Variants in ANKRD17 observed in about 807,000 individuals in gnomAD.
ANKRD17 encodes the protein ankyrin repeat domain 17.
Under a neutral mutation model 229.7 loss-of-function variants are expected in ANKRD17, and 19 were observed. That is an observed-to-expected ratio of 0.08 (90% confidence interval 0.06 to 0.12). The LOEUF (loss-of-function observed/expected upper bound fraction) is 0.12. ANKRD17 is among the 10% of genes least tolerant of loss of function. The pLI is 1.00. For missense variants in ANKRD17, 2,176 were observed against 3,176.8 expected, an observed-to-expected ratio of 0.68 and a Z score of 7.57; for synonymous variants, 1,112 against 1,146.1, an observed-to-expected ratio of 0.97 and a Z score of 0.60.
chr4:73,109,225 G>C (rs1233394231), intron 24 of ANKRD17, among the ~76,000 whole-genome samples: 1 of 151,910 alleles, frequency 6.6e-6, no homozygotes, highest in Non-Finnish European at 1.5e-5. Context: ...ACTTCAACCT[G>C]TGAGGTGGAG....
chr4:73,124,419 A>T (rs1727168469), intron 18 of ANKRD17, among the ~76,000 whole-genome samples: 1 of 152,184 alleles, frequency 6.6e-6, no homozygotes, highest in Admixed American at 6.5e-5. Flanking sequence ...ACAAAAGGTC[A>T]TATAATCTTA....
chr4:73,241,277 C>G (rs535783383), intron 1 of ANKRD17, among the ~76,000 whole-genome samples: 1 of 152,138 alleles, frequency 6.6e-6, no homozygotes, highest in South Asian at 2.1e-4. Flanking sequence ...TTCCTATTCC[C>G]CTCAATGAAC....
chr4:73,100,758 T>C, intron 25 of ANKRD17: 1 of 806,046 alleles, frequency 1.2e-6, no homozygotes, highest in Non-Finnish European at 1.5e-6. Context: ...ATTTACCATA[T>C]TAATCCTTAA....
At chr4:73,146,968 C>T in intron 9 of ANKRD17, 95 bp from the exon 10 acceptor site, 1 of 991,502 alleles carries the variant, frequency 1.0e-6, no homozygotes, top group African/African-American at 1.7e-5. Context: ...GTCATACCTC[C>T]TCAAGTTAAA....
chr4:73,152,572 G>C (rs543215194), intron 6 of ANKRD17, among the ~76,000 whole-genome samples: 2 of 152,202 alleles, frequency 1.3e-5, no homozygotes, highest in African/African-American at 4.8e-5. Context: ...TCTAATTAAA[G>C]CCTGCAAGCC....
chr4:73,078,406 C>T lies in ANKRD17; in HGVS notation c.7408+236G>A, dbSNP rs942400280. 9.2e-5 allele frequency among the ~76,000 whole-genome samples: 14 copies of T among 152,076 alleles called. No homozygotes were observed. The South Asian group carries it at 1.2e-3, about 14-fold the overall frequency. On this transcript the variant is annotated intron_variant, in intron 31 of 33. Coordinates refer to ENST00000358602, the MANE Select transcript of ANKRD17 (RefSeq NM_032217.5). ...AAAAAAAATTAGCTGGGCATGGTGG[C>T]GCATGCCTGTAATCCCAGCTACTTG... is the stretch of plus-strand genomic sequence containing the variant.
intron 1 of ANKRD17, among the ~76,000 whole-genome samples, chr4:73,203,481 G>C (rs928061919): frequency 1.3e-5 from 2 of 152,146 alleles, no homozygotes; most frequent in African/African-American, 2.4e-5. Flanking sequence ...ATGTGGGCTG[G>C]GCGCGATGGC....
intron 2 of ANKRD17, among the ~76,000 whole-genome samples, chr4:73,163,374 C>T (rs77866558): frequency 2.1e-3 from 323 of 152,288 alleles, no homozygotes; most frequent in African/African-American, 7.5e-3. Flanking sequence ...GCACTGCTAT[C>T]GCTTGGGAGC....
chr4:73,250,529 G>A (rs1744896674), intron 1 of ANKRD17, among the ~76,000 whole-genome samples: 1 of 140,756 alleles, frequency 7.1e-6, no homozygotes, highest in African/African-American at 2.7e-5. Context: ...GAACCCGGGA[G>A]GTGGAGGTTG....
intron 1 of ANKRD17, among the ~76,000 whole-genome samples, chr4:73,245,588 AC>A (rs533662532): frequency 6.6e-6 from 1 of 152,272 alleles, no homozygotes; most frequent in South Asian, 2.1e-4. Flanking sequence ...CAGATTTCAC[AC>A]TTGCTTAGCC....
intron 1 of ANKRD17, among the ~76,000 whole-genome samples, chr4:73,180,473 G>C (rs1735404932): frequency 6.6e-6 from 1 of 152,114 alleles, no homozygotes; most frequent in Admixed American, 6.5e-5. Context: ...TAGGAAAATT[G>C]CATTTCCATC....
intron 33 of ANKRD17, among the ~76,000 whole-genome samples, 179 bp from the exon 34 acceptor site, chr4:73,076,469 C>T (rs1166887304): frequency 1.3e-5 from 2 of 151,874 alleles, no homozygotes; most frequent in Non-Finnish European, 2.9e-5. Context: ...CAAACAGAAT[C>T]TGATTTACAA....
intron 1 of ANKRD17, among the ~76,000 whole-genome samples, chr4:73,194,894 C>A (rs1274771786): frequency 6.6e-5 from 10 of 151,976 alleles, no homozygotes; most frequent in Admixed American, 6.6e-4. Context: ...TACATACATA[C>A]TTTATTAGAT....
In ANKRD17 at chr4:73,143,147, A is replaced by T. The variant is rs374999081; in HGVS notation, c.1958-380T>A. ...AGAAAAGATGACTGAATAAAAATAA[A>T]CTATACTGCCCTCTATGGGCTTTAT... On this transcript the variant is annotated intron_variant, in intron 11 of 33. Coordinates refer to ENST00000358602, the MANE Select transcript of ANKRD17 (RefSeq NM_032217.5). Among the ~76,000 whole-genome samples the T allele has an allele frequency of 8.1e-4, 124 of 152,340 alleles. 3 individuals carry two copies. The South Asian group carries it at 0.025, about 30-fold the overall frequency.
At chr4:73,246,911 AAATTTCTAAG>A (rs1744556642) in intron 1 of ANKRD17, among the ~76,000 whole-genome samples, 1 of 152,188 alleles carries the variant, frequency 6.6e-6, no homozygotes. Context: ...GTACAAAGAA[AAATTTCTAAG>A]AATTGTTAAA....
chr4:73,155,987 CAACA>C, intron 4 of ANKRD17, 28 bp downstream of exon 4: 1 of 1,541,430 alleles, frequency 6.5e-7, no homozygotes, highest in Non-Finnish European at 8.7e-7. Context: ...TTTAAAAAAA[CAACA>C]AATAAGCTTT....
At chr4:73,161,088 C>T (rs1732469616) in intron 3 of ANKRD17, 104 bp downstream of exon 3, 10 of 1,386,182 alleles carry the variant, frequency 7.2e-6, no homozygotes, top group Non-Finnish European at 7.8e-6. Flanking sequence ...AAGTGGTTAG[C>T]ACAGTGCCAG....
At chr4:73,142,478 C>A in intron 12 of ANKRD17, 93 bp from the exon 13 acceptor site, 1 of 1,565,478 alleles carries the variant, frequency 6.4e-7, no homozygotes, top group Non-Finnish European at 8.7e-7. Context: ...AGGTCCCAGA[C>A]GCATTAAAAT....
At chr4:73,099,161 G>A (rs1330182654) in intron 25 of ANKRD17, 6 of 676,530 alleles carry the variant, frequency 8.9e-6, no homozygotes, top group African/African-American at 1.8e-5. Flanking sequence ...TGTGCTGCCT[G>A]TGCCTCACTG....
Sources: allele counts gnomAD v4.1 joint callset (sites outside exome capture counted in the v4.1 genomes callset), GRCh38; gene constraint gnomAD v4.1.1; transcripts MANE v1.5; gene names NCBI Gene and HGNC (gene_info 2026-07-23, HGNC 2026-07-21).